DMD: variants seen among roughly 807,000 people sequenced by gnomAD.
DMD encodes mutant dystrophin.
In DMD, 63 loss-of-function variants were observed where a neutral mutation model predicts 330.1. That is an observed-to-expected ratio of 0.19 (90% CI 0.16 to 0.24). The LOEUF (loss-of-function observed/expected upper bound fraction) is 0.24. DMD is among the 10% of genes least tolerant of loss of function. DMD has a pLI of 1.00. For missense variants in DMD, 3,344 were observed against 2,684.1 expected (o/e 1.25, Z -5.43); for synonymous variants, 1,223 against 959.8 (o/e 1.27, Z -5.07).
At chrX:32,745,282 A>G (rs762514810) in intron 7 of DMD, among the ~76,000 whole-genome samples, 1 of 112,243 alleles carries the variant, frequency 8.9e-6, no homozygotes, top group Non-Finnish European at 1.9e-5. Context: ...CTATAAAACT[A>G]TTGTCATGAT....
At chrX:32,907,545 T>A (rs942066614) in intron 2 of DMD, among the ~76,000 whole-genome samples, 1 of 111,808 alleles carries the variant, frequency 8.9e-6, no homozygotes, top group African/African-American at 3.2e-5. Flanking sequence ...AAATTTGCTG[T>A]AATTTTCTTC....
chrX:32,920,397 G>T (rs1344664043), intron 2 of DMD, among the ~76,000 whole-genome samples: 1 of 111,629 alleles, frequency 9.0e-6, no homozygotes, highest in East Asian at 2.8e-4. Flanking sequence ...TTCTGTGTCT[G>T]TGAAATTCAT....
At chrX:32,977,683 T>C (rs1039541914) in intron 2 of DMD, among the ~76,000 whole-genome samples, 2 of 110,172 alleles carry the variant, frequency 1.8e-5, no homozygotes, top group Non-Finnish European at 3.8e-5. Context: ...ATATAAGATA[T>C]ATATGTATAT....
At chrX:32,880,959 G>GA (rs888988647) in intron 2 of DMD, among the ~76,000 whole-genome samples, 7 of 112,559 alleles carry the variant, frequency 6.2e-5, no homozygotes, top group Admixed American at 2.8e-4. Flanking sequence ...AAAAGAAAAA[G>GA]AAAAAAACTA....
intron 1 of DMD, among the ~76,000 whole-genome samples, chrX:33,059,673 C>T (rs2094559351): frequency 9.0e-6 from 1 of 111,638 alleles, no homozygotes. Context: ...CGAGCCCTAG[C>T]TTATTATTTT....
intron 44 of DMD, among the ~76,000 whole-genome samples, chrX:32,011,815 C>T (rs995787377): frequency 8.9e-6 from 1 of 111,880 alleles, no homozygotes; most frequent in African/African-American, 3.3e-5. Context: ...CTTCTCAGGA[C>T]TCTCATCACC....
chrX:31,581,850 C>T (rs1056031683), intron 55 of DMD, among the ~76,000 whole-genome samples: 1 of 111,708 alleles, frequency 9.0e-6, no homozygotes, highest in Non-Finnish European at 1.9e-5. Flanking sequence ...GCTGGGTATA[C>T]AGATGTTGAC....
chrX:32,453,556 T>C (rs2098342506), intron 26 of DMD, among the ~76,000 whole-genome samples: 1 of 111,118 alleles, frequency 9.0e-6, no homozygotes, highest in African/African-American at 3.3e-5. Context: ...TTTAATTATA[T>C]AATTTTTTAC....
At chrX:31,709,684 T>A (rs1366498949) in intron 52 of DMD, among the ~76,000 whole-genome samples, 1 of 109,618 alleles carries the variant, frequency 9.1e-6, no homozygotes, top group South Asian at 4.0e-4. Flanking sequence ...CTATTTTCAA[T>A]TAATAGCAAG....
chrX:32,851,862 G>GC (rs1314078772), intron 2 of DMD, among the ~76,000 whole-genome samples: 1 of 112,028 alleles, frequency 8.9e-6, no homozygotes, highest in Non-Finnish European at 1.9e-5. Context: ...ATTTAGACCA[G>GC]CCCTATCCAG....
At chrX:32,237,902 A>G (rs984975432) in intron 43 of DMD, among the ~76,000 whole-genome samples, 1 of 111,947 alleles carries the variant, frequency 8.9e-6, no homozygotes, top group Non-Finnish European at 1.9e-5. Flanking sequence ...AGCCACTAAT[A>G]TTTTGGAATT....
chrX:32,881,337 T>C (rs2083922634), intron 2 of DMD, among the ~76,000 whole-genome samples: 1 of 112,912 alleles, frequency 8.9e-6, no homozygotes, highest in Admixed American at 9.4e-5. Context: ...TTTCTTTCTG[T>C]GAAGACAATT....
At chrX:32,998,648 T>C (rs1020079611) in intron 2 of DMD, among the ~76,000 whole-genome samples, 2 of 85,643 alleles carry the variant, frequency 2.3e-5, no homozygotes, top group African/African-American at 7.2e-5. Flanking sequence ...TATATGTTTA[T>C]ATACACACAC....
At chrX:32,798,106 T>G (rs1342869727) in intron 7 of DMD, among the ~76,000 whole-genome samples, 1 of 111,499 alleles carries the variant, frequency 9.0e-6, no homozygotes, top group Non-Finnish European at 1.9e-5. Flanking sequence ...ATGTGAAAGA[T>G]TAGTAGAAAA....
intron 1 of DMD, among the ~76,000 whole-genome samples, chrX:33,052,717 A>T (rs1434025053): frequency 8.9e-6 from 1 of 112,058 alleles, no homozygotes; most frequent in Admixed American, 9.6e-5. Flanking sequence ...CATTTATGTA[A>T]AATTTCTCAG....
intron 44 of DMD, among the ~76,000 whole-genome samples, chrX:32,187,191 G>A (rs924548921): frequency 9.1e-6 from 1 of 110,311 alleles, no homozygotes; most frequent in African/African-American, 3.3e-5. Flanking sequence ...CGAGACAGGG[G>A]ATATATATGT....
chrX:31,810,048 A>ATGTACT (rs199736832), intron 50 of DMD, among the ~76,000 whole-genome samples: 13,268 of 110,783 alleles, frequency 0.12, 581 homozygotes, highest in East Asian at 0.18. Context: ...TGTAAAATAT[A>ATGTACT]TGTTCACTTG....
chrX:33,114,694 GTTA>G (rs961381709), intron 1 of DMD, among the ~76,000 whole-genome samples: 3 of 111,487 alleles, frequency 2.7e-5, no homozygotes, highest in South Asian at 3.7e-4. Flanking sequence ...TAATGTAGAA[GTTA>G]TTATTATGAA....
At chrX:31,529,841 C>T (rs144018775) in intron 55 of DMD, among the ~76,000 whole-genome samples, 126 of 108,588 alleles carry the variant, frequency 1.2e-3, no homozygotes, top group Middle Eastern at 4.8e-3. Flanking sequence ...AAGATAAGAA[C>T]TAGGACACTG....
Sources: allele counts gnomAD v4.1 joint callset (sites outside exome capture counted in the v4.1 genomes callset), GRCh38; gene constraint gnomAD v4.1.1; transcripts MANE v1.5; gene names NCBI Gene and HGNC (gene_info 2026-07-23, HGNC 2026-07-21).